The following ZDHHC15 variants were observed in gnomAD, a reference collection of about 807,000 sequenced individuals.
ZDHHC15 encodes palmitoyltransferase ZDHHC15.
In ZDHHC15, 19 loss-of-function variants were observed where a neutral mutation model predicts 31.7. That is an observed-to-expected ratio of 0.60 (90% CI 0.42 to 0.88). ZDHHC15 has a LOEUF of 0.88. Among genes scored for constraint, ZDHHC15 ranks in the 40% least tolerant of loss-of-function variants. The pLI, the probability that ZDHHC15 is intolerant of heterozygous loss-of-function variation, is 0.00. For synonymous variants in ZDHHC15, 103 were observed against 90.0 expected (o/e 1.14, Z -0.82); for missense variants, 209 against 251.2 (o/e 0.83, Z 1.14).
At chrX:75,495,551 AC>A (rs1336501939) in intron 2 of ZDHHC15, among the ~76,000 whole-genome samples, 1 of 111,024 alleles carries the variant, frequency 9.0e-6, no homozygotes, top group Non-Finnish European at 1.9e-5. Flanking sequence ...ACAATGATAG[AC>A]TGGATTAAGA....
intron 2 of ZDHHC15, among the ~76,000 whole-genome samples, chrX:75,504,135 C>T (rs898192141): frequency 4.5e-5 from 5 of 111,120 alleles, no homozygotes; most frequent in African/African-American, 1.3e-4. Context: ...TTTACAAGTT[C>T]CAGGTGGATG....
intron 10 of ZDHHC15, among the ~76,000 whole-genome samples, chrX:75,407,517 C>T (rs891985409): frequency 3.8e-4 from 25 of 65,487 alleles, no homozygotes; most frequent in African/African-American, 5.8e-4. Flanking sequence ...GGGCAGCCCC[C>T]GCCCGGCCAG....
chrX:75,458,835 C>T (rs1418222499), intron 3 of ZDHHC15, among the ~76,000 whole-genome samples: 1 of 109,198 alleles, frequency 9.2e-6, no homozygotes, highest in Non-Finnish European at 1.9e-5. Context: ...CAGTCCGTGG[C>T]ACTCATGGAG....
At chrX:75,474,764 A>T (rs1193226686) in intron 3 of ZDHHC15, among the ~76,000 whole-genome samples, 1 of 110,611 alleles carries the variant, frequency 9.0e-6, no homozygotes, top group Non-Finnish European at 1.9e-5. Context: ...TTTTTTAAAA[A>T]TAAAATGAGT....
At chrX:75,495,818 C>T (rs1335011421) in intron 2 of ZDHHC15, among the ~76,000 whole-genome samples, 3 of 105,537 alleles carry the variant, frequency 2.8e-5, no homozygotes, top group African/African-American at 7.0e-5. Context: ...CATTAGGAGG[C>T]ATTCCTAATG....
intron 10 of ZDHHC15, among the ~76,000 whole-genome samples, chrX:75,386,502 G>T (rs111632672): frequency 9.0e-6 from 1 of 111,463 alleles, no homozygotes; most frequent in African/African-American, 3.3e-5. Flanking sequence ...TTGAGACAGG[G>T]TCTCACGCTG....
intron 9 of ZDHHC15, among the ~76,000 whole-genome samples, chrX:75,419,041 T>A (rs1160904770): frequency 9.0e-6 from 1 of 111,396 alleles, no homozygotes; most frequent in African/African-American, 3.3e-5. Context: ...TGGGAGAAAA[T>A]TTTTGCAATC....
chrX:75,377,832 G>A (rs1270870478), intron 11 of ZDHHC15, among the ~76,000 whole-genome samples: 1 of 111,273 alleles, frequency 9.0e-6, no homozygotes, highest in Non-Finnish European at 1.9e-5. Context: ...CTACACTAAA[G>A]CCAACTTTCT....
intron 4 of ZDHHC15, among the ~76,000 whole-genome samples, chrX:75,443,925 C>G (rs755144511): frequency 9.0e-6 from 1 of 111,229 alleles, no homozygotes; most frequent in South Asian, 3.9e-4. Flanking sequence ...GAGATACCAT[C>G]TCACACCAGT....
chrX:75,440,993 C>G (rs1454992963), intron 4 of ZDHHC15, among the ~76,000 whole-genome samples: 1 of 111,710 alleles, frequency 9.0e-6, no homozygotes, highest in East Asian at 2.8e-4. Context: ...AACTCCCATG[C>G]AGCCAGCAAG....
At chrX:75,457,696 C>T (rs951074207) in intron 3 of ZDHHC15, among the ~76,000 whole-genome samples, 4 of 110,029 alleles carry the variant, frequency 3.6e-5, no homozygotes, top group African/African-American at 1.0e-4. Context: ...CTCTGATACA[C>T]AGAGTCAGCC....
intron 9 of ZDHHC15, among the ~76,000 whole-genome samples, chrX:75,418,621 T>C (rs925066206): frequency 1.2e-4 from 13 of 111,921 alleles, no homozygotes; most frequent in Admixed American, 3.8e-4. Flanking sequence ...GACAGATATA[T>C]AGGCCAATGG....
intron 3 of ZDHHC15, among the ~76,000 whole-genome samples, chrX:75,478,322 G>A (rs2084637815): frequency 9.0e-6 from 1 of 111,252 alleles, no homozygotes. Flanking sequence ...ATTAGATGAG[G>A]CCTCAGAGTC....
intron 6 of ZDHHC15, 36 bp downstream of exon 6, chrX:75,429,912 C>G: frequency 8.4e-7 from 1 of 1,190,899 alleles, no homozygotes; most frequent in Non-Finnish European, 1.1e-6. Flanking sequence ...CAACTTTGAC[C>G]CCTTTAGAGG....
At chrX:75,429,485 A>C (rs5981359) in intron 6 of ZDHHC15, among the ~76,000 whole-genome samples, 6,399 of 111,677 alleles carry the variant, frequency 0.057, 236 homozygotes, top group South Asian at 0.13. Flanking sequence ...GTTGCTAAAA[A>C]TGTATTACAG....
chrX:75,483,354 T>C (rs1221553514), intron 2 of ZDHHC15, among the ~76,000 whole-genome samples: 1 of 109,982 alleles, frequency 9.1e-6, no homozygotes, highest in Non-Finnish European at 1.9e-5. Context: ...CCCAGCCCTT[T>C]GGGAGGCTGA....
intron 1 of ZDHHC15, among the ~76,000 whole-genome samples, chrX:75,508,265 A>C (rs2085199989): frequency 9.6e-6 from 1 of 104,694 alleles, no homozygotes; most frequent in South Asian, 4.9e-4. Flanking sequence ...CATTTACATT[A>C]GGTATATCTC....
intron 1 of ZDHHC15, among the ~76,000 whole-genome samples, chrX:75,507,504 A>G (rs180815144): frequency 7.0e-4 from 78 of 111,704 alleles, no homozygotes; most frequent in Middle Eastern, 4.6e-3. Flanking sequence ...TTAAAGAAAG[A>G]GGCTAGAATA....
chrX:75,505,764 T>C, intron 2 of ZDHHC15, 57 bp downstream of exon 2: 3 of 1,191,715 alleles, frequency 2.5e-6, no homozygotes, highest in East Asian at 3.0e-5. Flanking sequence ...TGTTATTTAC[T>C]TTTAGATGAA....
Sources: allele counts gnomAD v4.1 joint callset (sites outside exome capture counted in the v4.1 genomes callset), GRCh38; gene constraint gnomAD v4.1.1; transcripts MANE v1.5; gene names NCBI Gene and HGNC (gene_info 2026-07-23, HGNC 2026-07-21).